ASAP1: variants seen among roughly 807,000 people sequenced by gnomAD.
ASAP1 encodes arf-GAP with SH3 domain, ANK repeat and PH domain-containing protein 1.
Under a neutral mutation model 145.2 loss-of-function variants are expected in ASAP1, and 43 were observed. The observed-to-expected ratio is 0.30, with a 90% CI of 0.23 to 0.38. ASAP1 has a LOEUF of 0.38. Among genes scored for constraint, ASAP1 ranks in the 10% least tolerant of loss-of-function variants. The pLI, the probability that ASAP1 is intolerant of heterozygous loss-of-function variation, is 1.00. For synonymous variants in ASAP1, 546 were observed against 515.5 expected (o/e 1.06, Z -0.80); for missense variants, 1,018 against 1,355.3 (o/e 0.75, Z 3.91).
intron 12 of ASAP1, among the ~76,000 whole-genome samples, chr8:130,153,017 C>T (rs60897674): frequency 0.018 from 2,713 of 151,854 alleles, 92 homozygotes; most frequent in African/African-American, 0.061. Flanking sequence ...TACAGCACTG[C>T]TTTTTAATTT....
rs1010247517 is a variant in ASAP1, at chr8:130,084,295, G to A, written c.2573-4324C>T. 3 of 152,192 alleles carry A rather than the reference G, an allele frequency of 2.0e-5. No homozygotes were observed. The South Asian group carries it at 6.2e-4, about 31-fold the overall frequency. 9.4% of individuals were successfully genotyped at this position (152,192 alleles called of 1,614,324 possible). A position where few individuals can be genotyped will look rare whatever the true frequency, so the allele number is the denominator to read the frequency against. ...TGCAAAGGCTACCTGCTGTGCTTGA[G>A]AAGAAAAGTGTGGCTAGAAAAAATT... On this transcript the variant is annotated intron_variant, in intron 25 of 29. Coordinates refer to ENST00000518721, the MANE Select transcript of ASAP1 (RefSeq NM_018482.4).
intron 5 of ASAP1, among the ~76,000 whole-genome samples, chr8:130,202,487 C>T (rs1815930409): frequency 6.6e-6 from 1 of 152,228 alleles, no homozygotes; most frequent in South Asian, 2.1e-4. Flanking sequence ...GATAAGAACA[C>T]ACTTCATAGG....
intron 3 of ASAP1, among the ~76,000 whole-genome samples, chr8:130,256,826 T>G (rs1056803619): frequency 6.9e-6 from 1 of 145,092 alleles, no homozygotes; most frequent in Non-Finnish European, 1.5e-5. Context: ...TTTTGTGGAT[T>G]GAGTTATACT....
At chr8:130,423,836 T>C (rs1260259783) in intron 1 of ASAP1, among the ~76,000 whole-genome samples, 1 of 152,182 alleles carries the variant, frequency 6.6e-6, no homozygotes, top group Non-Finnish European at 1.5e-5. Context: ...ATTTACTATG[T>C]TTACATTTGG....
chr8:130,235,749 T>A (rs1430029138), intron 4 of ASAP1, among the ~76,000 whole-genome samples: 1 of 152,112 alleles, frequency 6.6e-6, no homozygotes, highest in Non-Finnish European at 1.5e-5. Context: ...CTAGGGGGGT[T>A]TAAAAAACAA....
At chr8:130,306,993 TC>T (rs1170066276) in intron 3 of ASAP1, among the ~76,000 whole-genome samples, 1 of 152,218 alleles carries the variant, frequency 6.6e-6, no homozygotes, top group East Asian at 1.9e-4. Flanking sequence ...TCTGGCTCCT[TC>T]TGACATCTCA....
chr8:130,267,650 C>T (rs1001395804), intron 3 of ASAP1, among the ~76,000 whole-genome samples: 2 of 152,168 alleles, frequency 1.3e-5, no homozygotes, highest in South Asian at 2.1e-4. Flanking sequence ...AAATAAATTA[C>T]GTGTTGAAGG....
At chr8:130,158,364 A>G (rs2097662168) in intron 12 of ASAP1, among the ~76,000 whole-genome samples, 1 of 151,574 alleles carries the variant, frequency 6.6e-6, no homozygotes, top group Admixed American at 6.6e-5. Context: ...AAAAAAAAAA[A>G]AGTATCCAGG....
chr8:130,117,468 G>C (rs143862178), intron 20 of ASAP1, among the ~76,000 whole-genome samples: 13 of 152,244 alleles, frequency 8.5e-5, no homozygotes, highest in African/African-American at 2.9e-4. Flanking sequence ...AATTTGGCTT[G>C]TGTCTATGTA....
At chr8:130,363,484 A>G (rs1320600379) in intron 2 of ASAP1, among the ~76,000 whole-genome samples, 5 of 152,240 alleles carry the variant, frequency 3.3e-5, no homozygotes, top group African/African-American at 1.2e-4. Flanking sequence ...TCCTTCTTTA[A>G]GCCTCATGAC....
chr8:130,194,710 C>T (rs10085959), intron 5 of ASAP1, among the ~76,000 whole-genome samples: 10,115 of 152,190 alleles, frequency 0.066, 1,135 homozygotes, highest in African/African-American at 0.23. Context: ...CTAAGTCCCT[C>T]ACATTCACAG....
chr8:130,424,542 T>A (rs777025160), intron 1 of ASAP1, among the ~76,000 whole-genome samples: 63 of 152,128 alleles, frequency 4.1e-4, no homozygotes, highest in Non-Finnish European at 6.9e-4. Context: ...CAATTTAATC[T>A]TCCCAGTGAC....
At chr8:130,227,298 G>A (rs1817640139) in intron 4 of ASAP1, among the ~76,000 whole-genome samples, 1 of 152,058 alleles carries the variant, frequency 6.6e-6, no homozygotes, top group South Asian at 2.1e-4. Context: ...TGTTGCGCAG[G>A]TTGGAGCACA....
intron 3 of ASAP1, among the ~76,000 whole-genome samples, chr8:130,346,776 A>G (rs984777789): frequency 6.9e-6 from 1 of 144,334 alleles, no homozygotes; most frequent in Non-Finnish European, 1.5e-5. Flanking sequence ...AAATATTACT[A>G]TTATTAAAGC....
At position 130,118,574 on chromosome 8, in the gene ASAP1, G is replaced by T. The variant is rs1253112075; in HGVS notation, c.1709C>A (p.Ala570Asp). The change falls in exon 19 of 30, where the codon GCC becomes GAC. Residue 570 changes from alanine to aspartate, a missense_variant. Physicochemically the swap from Ala to Asp is moderately radical, Grantham distance 126. Coordinates refer to ENST00000518721, the MANE Select transcript of ASAP1 (RefSeq NM_018482.4). ...TGCAAGTAAATCCCTGGATTTGATG[G>T]CCTCAAGCAATTCATTTAGTTTAGC... ...SSAKLNELLE[A>D]IKSRDLLALI... 1 of 1,614,088 alleles carries T rather than the reference G, an allele frequency of 6.2e-7. No individual in the cohort carries two copies. The highest frequency in any genetic ancestry group is 8.5e-7 in the Non-Finnish European group (1 of 1,179,980).
chr8:130,180,932 C>T (rs765216675), intron 7 of ASAP1, 52 bp from the exon 8 acceptor site: 3 of 1,475,754 alleles, frequency 2.0e-6, no homozygotes, highest in East Asian at 2.3e-5. Flanking sequence ...CACTCATGTA[C>T]AATACCAACA....
chr8:130,358,294 G>A lies in ASAP1; in HGVS notation c.60-151C>T. ...CGCGCGGCTCCCGTCCCCGGCAGCG[G>A]CGAGAGGGAGGGAAGGAGGCGGGCG... is the stretch of plus-strand genomic sequence containing the variant. On this transcript the variant is annotated intron_variant, in intron 2 of 29. Coordinates refer to ENST00000518721, the MANE Select transcript of ASAP1 (RefSeq NM_018482.4). This position sits in a 1 kb window ranked among gnomAD's most constrained non-coding sequence, Gnocchi z 4.1. 4.3e-6 allele frequency: 2 copies of A among 462,936 alleles called. No homozygotes were observed. The highest frequency in any genetic ancestry group is 5.9e-6 in the Non-Finnish European group (2 of 338,488). The allele number at this position is 462,936 out of a possible 1,614,324, so 28.7% of individuals were successfully genotyped here.
chr8:130,264,523 T>G (rs1326687008), intron 3 of ASAP1, among the ~76,000 whole-genome samples: 1 of 152,256 alleles, frequency 6.6e-6, no homozygotes, highest in African/African-American at 2.4e-5. Context: ...CCTCTGACTG[T>G]GGAAGCCTAC....
chr8:130,411,473 T>C (rs1829261594), intron 1 of ASAP1, among the ~76,000 whole-genome samples: 1 of 152,196 alleles, frequency 6.6e-6, no homozygotes, highest in Non-Finnish European at 1.5e-5. Context: ...CCTGATAACA[T>C]GCTATTCGTT....
Sources: allele counts gnomAD v4.1 joint callset (sites outside exome capture counted in the v4.1 genomes callset), GRCh38; gene constraint gnomAD v4.1.1; non-coding constraint Gnocchi (gnomAD v3.1); transcripts MANE v1.5; gene names NCBI Gene and HGNC (gene_info 2026-07-23, HGNC 2026-07-21).